CDK15: variants seen among roughly 807,000 people sequenced by gnomAD.
The protein encoded by CDK15 is cyclin dependent kinase 15, also known as cyclin-dependent kinase 15.
CDK15 carries 62 observed loss-of-function variants against 60.3 expected under a neutral mutation model. The ratio of observed to expected loss-of-function variants is 1.03; its 90% CI spans 0.84 to 1.27. The LOEUF is 1.27. CDK15 is among the 50% of genes most tolerant of loss of function. The pLI is 0.00. For synonymous variants in CDK15, 194 were observed against 195.7 expected, an observed-to-expected ratio of 0.99 and a Z score of 0.07; for missense variants, 541 against 527.8, an observed-to-expected ratio of 1.03 and a Z score of -0.25.
At chr2:201,860,761 G>GTCC in intron 10 of CDK15, 1 of 1,352,150 alleles carries the variant, frequency 7.4e-7, no homozygotes, top group Non-Finnish European at 9.8e-7. Flanking sequence ...GAAACAGCAT[G>GTCC]GATGGCATAC....
intron 4 of CDK15, among the ~76,000 whole-genome samples, chr2:201,813,582 T>TCTATCATTTG (rs1695866220): frequency 6.6e-6 from 1 of 152,212 alleles, no homozygotes; most frequent in South Asian, 2.1e-4. Flanking sequence ...ATGTCTTTGT[T>TCTATCATTTG]CTATCATTTG....
chr2:201,846,684 G>A (rs575349690), intron 8 of CDK15, among the ~76,000 whole-genome samples: 1 of 152,002 alleles, frequency 6.6e-6, no homozygotes, highest in African/African-American at 2.4e-5. Flanking sequence ...TAACTGCAAG[G>A]CCAGCTTAGG....
chr2:201,879,836 T>C (rs1699210610), intron 11 of CDK15, among the ~76,000 whole-genome samples, 192 bp from the exon 12 acceptor site: 1 of 152,178 alleles, frequency 6.6e-6, no homozygotes, highest in Non-Finnish European at 1.5e-5. Flanking sequence ...TTCAACTTAG[T>C]AACAGGACAG....
intron 8 of CDK15, among the ~76,000 whole-genome samples, chr2:201,838,904 A>G (rs2105755875): frequency 6.6e-6 from 1 of 151,924 alleles, no homozygotes; most frequent in African/African-American, 2.4e-5. Flanking sequence ...TACATTTTAG[A>G]GGTATTCTTA....
At chr2:201,826,860 T>C (rs1696531655) in intron 6 of CDK15, among the ~76,000 whole-genome samples, 1 of 152,264 alleles carries the variant, frequency 6.6e-6, no homozygotes, top group African/African-American at 2.4e-5. Context: ...GATACATATA[T>C]ATTTCTTACT....
At chr2:201,865,744 G>A (rs183734323) in intron 10 of CDK15, among the ~76,000 whole-genome samples, 2 of 152,028 alleles carry the variant, frequency 1.3e-5, no homozygotes, top group Admixed American at 6.6e-5. Context: ...ACAAAAATTA[G>A]CCAGGTGTGG....
rs1698089560 is a variant in CDK15 at position 201,855,098 on chromosome 2, A to G, written c.1009+161A>G. 2.0e-5 allele frequency among the ~76,000 whole-genome samples: 3 copies of G among 152,220 alleles called. No homozygotes were observed. In the South Asian group the frequency reaches 6.2e-4, roughly 32 times the overall value. ...TCCCTGACTAATCTTTGTATGAGGA[A>G]GACACTGAAAGAGTAGCTGAGGTTA... is the stretch of plus-strand genomic sequence containing the variant. On this transcript the variant is annotated intron_variant, in intron 10 of 13. Coordinates refer to ENST00000652192, the MANE Select transcript of CDK15 (RefSeq NM_001366386.2).
At chr2:201,886,864 G>C (rs1215582104) in intron 12 of CDK15, among the ~76,000 whole-genome samples, 1 of 152,176 alleles carries the variant, frequency 6.6e-6, no homozygotes, top group African/African-American at 2.4e-5. Context: ...ATAGCTCCCA[G>C]TGTTGATGAG....
Position 201,810,381 on chromosome 2 carries a change from A to T in CDK15, c.369-2102A>T, listed in dbSNP as rs183639506. ...TTACTTTTCAAATAGGCCAAAAAAA[A>T]AAAGAAGATGAAAGCGAAAAGCCAA... is the stretch of plus-strand genomic sequence containing the variant. On this transcript the variant is annotated intron_variant, in intron 3 of 13. Transcript: ENST00000652192. Among the ~76,000 whole-genome samples, 19 of 152,248 alleles carry T rather than the reference A, an allele frequency of 1.2e-4. No homozygotes were observed. The East Asian group carries it at 3.5e-3, about 28-fold the overall frequency.
chr2:201,836,049 A>ATATATATTATATATTTATATT (rs1332521852), intron 8 of CDK15, among the ~76,000 whole-genome samples: 1 of 69,544 alleles, frequency 1.4e-5, no homozygotes, highest in Non-Finnish European at 2.9e-5. Flanking sequence ...ATATATATTT[A>ATATATATTATATATTTATATT]TATATATATT....
intron 4 of CDK15, among the ~76,000 whole-genome samples, chr2:201,817,052 G>A (rs569546921): frequency 1.3e-5 from 2 of 152,314 alleles, no homozygotes; most frequent in South Asian, 2.1e-4. Flanking sequence ...AGGTACACCC[G>A]CTGCTGCTGA....
At chr2:201,869,862 G>A (rs554845557) in intron 10 of CDK15, among the ~76,000 whole-genome samples, 2 of 152,214 alleles carry the variant, frequency 1.3e-5, no homozygotes, top group East Asian at 3.9e-4. Flanking sequence ...TTTGGCCAGG[G>A]AAGAGCTGTA....
At chr2:201,883,179 A>G (rs1298115128) in intron 12 of CDK15, among the ~76,000 whole-genome samples, 2 of 152,310 alleles carry the variant, frequency 1.3e-5, no homozygotes, top group Non-Finnish European at 2.9e-5. Flanking sequence ...TCATTTTATT[A>G]TTCTGATTTT....
In CDK15 at chr2:201,807,606, G is replaced by T; in HGVS notation, c.236G>T (p.Cys79Phe). ...AAAAGGCCACGGAGTAACAGTGATT[G>T]TTTTCAGGAAGAGGATCTGAGGCAG... Reference protein sequence around the residue: ...KSKRPRSNSDCFQEEDLRQGF... With the variant: ...KSKRPRSNSDFFQEEDLRQGF... Residue 79 changes from cysteine (C) to phenylalanine (F), a missense_variant, in exon 2 of 14, where the codon TGT (cysteine) becomes TTT (phenylalanine). By Grantham distance (205) the Cys-to-Phe change is radical. Coordinates refer to ENST00000652192, the MANE Select transcript of CDK15 (RefSeq NM_001366386.2). The T allele has an allele frequency of 6.2e-7, 1 of 1,614,196 alleles. No individual in the cohort carries two copies. The highest frequency in any genetic ancestry group is 8.5e-7 in the Non-Finnish European group (1 of 1,180,036).
At chr2:201,879,801 T>G (rs1247209525) in intron 11 of CDK15, among the ~76,000 whole-genome samples, 1 of 152,108 alleles carries the variant, frequency 6.6e-6, no homozygotes, top group Non-Finnish European at 1.5e-5. Context: ...GGGAGCTGAG[T>G]GATAGAATGA....
intron 11 of CDK15, 95 bp downstream of exon 11, chr2:201,872,421 G>C: frequency 3.8e-6 from 5 of 1,322,356 alleles, no homozygotes; most frequent in Non-Finnish European, 5.5e-6. Context: ...AGCAGCCCCC[G>C]AGCACTTCCA....
At chr2:201,858,036 A>T (rs1698218190) in intron 10 of CDK15, among the ~76,000 whole-genome samples, 1 of 152,144 alleles carries the variant, frequency 6.6e-6, no homozygotes, top group African/African-American at 2.4e-5. Flanking sequence ...ATCAGCCAGT[A>T]CAATTTTGAG....
intron 12 of CDK15, among the ~76,000 whole-genome samples, chr2:201,886,919 A>C (rs1268665221): frequency 2.0e-5 from 3 of 152,174 alleles, no homozygotes; most frequent in Non-Finnish European, 4.4e-5. Context: ...AAACTTTTGC[A>C]AAGTGTTATA....
At chr2:201,854,288 CAG>C (rs1698043189) in intron 9 of CDK15, among the ~76,000 whole-genome samples, 1 of 152,072 alleles carries the variant, frequency 6.6e-6, no homozygotes, top group Non-Finnish European at 1.5e-5. Flanking sequence ...CTGCTAGTCA[CAG>C]AGAAAACAAG....
Sources: allele counts gnomAD v4.1 joint callset (sites outside exome capture counted in the v4.1 genomes callset), GRCh38; gene constraint gnomAD v4.1.1; transcripts MANE v1.5; gene names NCBI Gene and HGNC (gene_info 2026-07-23, HGNC 2026-07-21).